Variants in NR3C1 observed in about 807,000 individuals in gnomAD.
NR3C1 encodes glucocorticoid receptor.
A neutral mutation model predicts 74.0 loss-of-function variants in NR3C1; 14 were observed. That is an observed-to-expected ratio of 0.19 (90% CI 0.12 to 0.30). The LOEUF (loss-of-function observed/expected upper bound fraction) is 0.30, where lower values mean the gene tolerates loss of function less well. Ranked by LOEUF, NR3C1 falls within the 10% of genes least tolerant of loss-of-function variation. The pLI is 1.00. For missense variants in NR3C1, 695 were observed against 909.8 expected (o/e 0.76, Z 3.04); for synonymous variants, 308 against 332.5 (o/e 0.93, Z 0.80).
At chr5:143,399,082 T>G (rs1354163938) in intron 2 of NR3C1, among the ~76,000 whole-genome samples, 1 of 152,238 alleles carries the variant, frequency 6.6e-6, no homozygotes, top group Non-Finnish European at 1.5e-5. Flanking sequence ...TACTATGGTC[T>G]GGTACACTGT....
At chr5:143,316,133 C>T (rs887215237) in intron 2 of NR3C1, among the ~76,000 whole-genome samples, 9 of 152,194 alleles carry the variant, frequency 5.9e-5, no homozygotes, top group African/African-American at 1.7e-4. Context: ...ACAGGCCACC[C>T]CTGATTAATG....
At chr5:143,404,482 T>C, upstream of NR3C1, 3 of 984,630 alleles carry the variant, frequency 3.0e-6, no homozygotes, top group Non-Finnish European at 3.6e-6. Flanking sequence ...GGAGAGAAGT[T>C]GCAAAGCAGA....
At chr5:143,420,437 A>G (rs1236587561) in intron 1 of NR3C1, among the ~76,000 whole-genome samples, 3 of 152,186 alleles carry the variant, frequency 2.0e-5, no homozygotes, top group Non-Finnish European at 4.4e-5. Flanking sequence ...AATCTTCACA[A>G]TCCACGTTCT....
chr5:143,380,220 A>G (rs1866388), intron 2 of NR3C1, among the ~76,000 whole-genome samples: 42,171 of 152,120 alleles, frequency 0.28, 6,122 homozygotes, highest in Middle Eastern at 0.32. Flanking sequence ...TAATTATTTG[A>G]CTTAAATTTG....
intron 2 of NR3C1, among the ~76,000 whole-genome samples, chr5:143,332,299 G>A (rs892818607): frequency 6.6e-6 from 1 of 151,010 alleles, no homozygotes; most frequent in Non-Finnish European, 1.5e-5. Context: ...AAGAAAGTTC[G>A]GGCACTTTGA....
intron 2 of NR3C1, among the ~76,000 whole-genome samples, chr5:143,337,435 C>T (rs1486100454): frequency 1.3e-5 from 2 of 152,064 alleles, no homozygotes; most frequent in African/African-American, 4.8e-5. Context: ...ACAAGAATGT[C>T]CTATGATGTA....
intron 2 of NR3C1, among the ~76,000 whole-genome samples, chr5:143,379,579 C>T (rs1835822374): frequency 6.6e-6 from 1 of 152,202 alleles, no homozygotes; most frequent in African/African-American, 2.4e-5. Context: ...AGTCACACTC[C>T]TTTGCAGTGT....
intron 2 of NR3C1, among the ~76,000 whole-genome samples, chr5:143,345,424 G>A (rs1829092345): frequency 1.3e-5 from 2 of 152,162 alleles, no homozygotes; most frequent in Admixed American, 1.3e-4. Flanking sequence ...TGGTCAGGCT[G>A]GTGTTGAACT....
chr5:143,285,449 CATTTCTGAAA>C, intron 7 of NR3C1, among the ~76,000 whole-genome samples: 1 of 152,182 alleles, frequency 6.6e-6, no homozygotes, highest in Non-Finnish European at 1.5e-5. Context: ...ATTTGACTGA[CATTTCTGAAA>C]CAGTCTACCC....
chr5:143,293,710 C>T (rs1816463874), intron 7 of NR3C1, among the ~76,000 whole-genome samples: 3 of 151,870 alleles, frequency 2.0e-5, no homozygotes, highest in Non-Finnish European at 4.4e-5. Context: ...ATACCTATTC[C>T]AGTAGTCTAT....
rs571531927 is a variant in NR3C1, at chr5:143,314,168, G to A, written c.1185C>T (p.Ser395=). ...AGCTTACATCTGGTCTCATGCTGGG[G>A]CTAAAGAAGGGGAAGAACAGTGTTA... ...GRTVFSNGYS[S]PSMRPDVSSP... is the part of the protein sequence containing the mutation. The change falls in exon 3 of 9, where the codon AGC becomes AGT. Residue 395 remains serine (S), a splice_region_variant and synonymous_variant. Transcript: ENST00000394464. The A allele has an allele frequency of 1.9e-6, 3 of 1,613,582 alleles. No individual in the cohort carries two copies. Among genetic ancestry groups the A allele is most frequent in the South Asian group, 2.2e-5 (2 of 91,062 alleles).
intron 2 of NR3C1, among the ~76,000 whole-genome samples, chr5:143,396,466 A>G (rs1839202144): frequency 6.6e-6 from 1 of 151,824 alleles, no homozygotes; most frequent in Non-Finnish European, 1.5e-5. Flanking sequence ...GAAAGTATCC[A>G]TGGGGGTGAG....
chr5:143,350,822 G>A lies in NR3C1; in HGVS notation c.1185-36654C>T, dbSNP rs546615479. Among the ~76,000 whole-genome samples the A allele has an allele frequency of 7.9e-5, 12 of 152,314 alleles. No individual in the cohort carries two copies. The South Asian group carries it at 2.3e-3, about 29-fold the overall frequency. ...AAGGAGGAAAACTAGAAACAGAATT[G>A]TGTCACAGAAACCACTGGCAGATGC... On this transcript the variant is annotated intron_variant, in intron 2 of 8. Transcript: ENST00000394464.
chr5:143,404,399 G>C, upstream of NR3C1: 3 of 985,542 alleles, frequency 3.0e-6, no homozygotes, highest in Non-Finnish European at 3.6e-6. Context: ...GGAGTCGCGT[G>C]CCGGCAGGTC....
At chr5:143,396,215 AGT>A (rs1205111300) in intron 2 of NR3C1, among the ~76,000 whole-genome samples, 2 of 151,862 alleles carry the variant, frequency 1.3e-5, no homozygotes, top group African/African-American at 2.4e-5. Context: ...CTGAATACAC[AGT>A]GTGTTTTAAA....
chr5:143,406,461 C>T (rs894510985), upstream of NR3C1, among the ~76,000 whole-genome samples: 4 of 151,230 alleles, frequency 2.6e-5, no homozygotes, highest in African/African-American at 9.7e-5. Flanking sequence ...CTAAATGTGC[C>T]TGTTAATTTT....
chr5:143,318,725 G>GAAA, intron 2 of NR3C1, among the ~76,000 whole-genome samples: 1 of 152,104 alleles, frequency 6.6e-6, no homozygotes, highest in South Asian at 2.1e-4. Context: ...GGTACTCCAT[G>GAAA]AAAAAAAGTA....
chr5:143,289,750 C>T (rs1203703706), intron 7 of NR3C1, among the ~76,000 whole-genome samples: 1 of 151,940 alleles, frequency 6.6e-6, no homozygotes, highest in Non-Finnish European at 1.5e-5. Flanking sequence ...GCCAATAAGC[C>T]CATGAAAAGA....
intron 2 of NR3C1, among the ~76,000 whole-genome samples, chr5:143,343,897 C>T (rs548974491): frequency 1.3e-5 from 2 of 152,138 alleles, no homozygotes; most frequent in African/African-American, 4.8e-5. Flanking sequence ...AAACCAGCAT[C>T]ATAGATAAAT....
Sources: allele counts gnomAD v4.1 joint callset (sites outside exome capture counted in the v4.1 genomes callset), GRCh38; gene constraint gnomAD v4.1.1; transcripts MANE v1.5; gene names NCBI Gene and HGNC (gene_info 2026-07-23, HGNC 2026-07-21).